Variants in AFM observed in about 807,000 individuals in gnomAD.
The protein encoded by AFM is alpha-Alb.
A neutral mutation model predicts 68.7 loss-of-function variants in AFM; 82 were observed. That is an observed-to-expected ratio of 1.19 (90% confidence interval 1.00 to 1.43). The LOEUF (loss-of-function observed/expected upper bound fraction) is 1.43. Ranked by LOEUF, AFM falls within the 40% of genes most tolerant of loss-of-function variation. The pLI is 0.00. For missense variants in AFM, 772 were observed against 701.8 expected (o/e 1.10, Z -1.13); for synonymous variants, 250 against 234.2 (o/e 1.07, Z -0.61).
rs914199372 is a variant in AFM at position 73,483,948 on chromosome 4, C to A, written c.96C>A (p.Phe32Leu). ...LPTQPRDIEN[F>L]NSTQKFIEDN... ...AATATTCTTGCTTTTCAGAGAACTTCAATAGTACTCAAAAATTTATAGAAG... is the reference window on the plus strand; with the variant it reads ...AATATTCTTGCTTTTCAGAGAACTTAAATAGTACTCAAAAATTTATAGAAG... Residue 32 changes from phenylalanine (F) to leucine (L), a missense_variant, in exon 2 of 15, where the codon TTC becomes TTA. Transcript: ENST00000226355. The A allele has an allele frequency of 6.5e-7, 1 of 1,528,032 alleles. No individual in the cohort carries two copies. The highest frequency in any genetic ancestry group is 8.9e-7 in the Non-Finnish European group (1 of 1,118,290). 94.7% of individuals were successfully genotyped at this position (1,528,032 alleles called of 1,614,324 possible). A position where few individuals can be genotyped will look rare whatever the true frequency, so the allele number is the denominator to read the frequency against.
intron 12 of AFM, 93 bp downstream of exon 12, chr4:73,500,320 A>G (rs1005950305): frequency 1.4e-5 from 15 of 1,093,350 alleles, no homozygotes; most frequent in Non-Finnish European, 1.8e-5. Flanking sequence ...TGTCTTTTTG[A>G]TATCACAATC....
chr4:73,503,231 C>A, intron 14 of AFM, 121 bp downstream of exon 14: 1 of 756,236 alleles, frequency 1.3e-6, no homozygotes, highest in Non-Finnish European at 2.2e-6. Context: ...AAGAAATGCA[C>A]ATGTAGCTAA....
At position 73,485,999 on chromosome 4, in the gene AFM, G is replaced by C; in HGVS notation, c.408G>C (p.Leu136=). 6.2e-7 allele frequency: 1 copy of C among 1,613,964 alleles called. No individual in the cohort carries two copies. Among genetic ancestry groups the C allele is most frequent in the Non-Finnish European group, 8.5e-7 (1 of 1,179,916 alleles). ...FYNKKSDVGF[L]PPFPTLDPEE... ...ACAAGAAATCTGATGTGGGATTTCT[G>C]CCTCCTTTCCCTACCCTGGATCCCG... The change falls in exon 4 of 15, where the codon CTG becomes CTC. Residue 136 remains leucine, a synonymous_variant. Coordinates refer to ENST00000226355, the MANE Select transcript of AFM (RefSeq NM_001133.2).
chr4:73,502,039 A>G (rs990141485), intron 13 of AFM, 120 bp downstream of exon 13: 3 of 1,055,326 alleles, frequency 2.8e-6, no homozygotes, highest in African/African-American at 3.2e-5. Flanking sequence ...ATTTGAGAGC[A>G]CAATTGCTAC....
intron 12 of AFM, among the ~76,000 whole-genome samples, chr4:73,500,899 T>C (rs1280037487): frequency 6.6e-6 from 1 of 152,222 alleles, no homozygotes; most frequent in Non-Finnish European, 1.5e-5. Flanking sequence ...CATCCTATTC[T>C]AGTCTGGTCT....
chr4:73,497,464 A>G (rs1224913097), intron 9 of AFM, among the ~76,000 whole-genome samples, 188 bp from the exon 10 acceptor site: 1 of 152,220 alleles, frequency 6.6e-6, no homozygotes, highest in Non-Finnish European at 1.5e-5. Flanking sequence ...AGCAAGAAAT[A>G]TATTTTTATA....
intron 3 of AFM, 77 bp downstream of exon 3, chr4:73,484,467 TTTCTTTCTTTCTTTCTTTC>T: frequency 1.9e-6 from 1 of 537,332 alleles, no homozygotes; most frequent in Non-Finnish European, 3.1e-6. Context: ...TCTTTCTTTC[TTTCTTTCTTTCTTTCTTTC>T]TTTCTTTCTT....
intron 1 of AFM, among the ~76,000 whole-genome samples, chr4:73,482,604 G>A (rs144108782): frequency 2.9e-4 from 44 of 152,102 alleles, no homozygotes; most frequent in African/African-American, 4.8e-4. Context: ...CTTTTCCCTC[G>A]TAACAACCTG....
intron 7 of AFM, among the ~76,000 whole-genome samples, chr4:73,489,960 T>C (rs775735082): frequency 1.5e-4 from 23 of 152,122 alleles, no homozygotes; most frequent in Non-Finnish European, 2.8e-4. Flanking sequence ...ATTCTGCACA[T>C]CTGCCCATGT....
Position 73,492,105 on chromosome 4 carries a change from G to A in AFM, c.1058+19G>A, listed in dbSNP as rs770823046. ...TTGCGAAGTAATATAACTCTTTATT[G>A]AATTTATAAGGGAAACAGAAAGAAA... On this transcript the variant is annotated intron_variant, in intron 8 of 14. Transcript: ENST00000226355. The A allele has an allele frequency of 6.3e-7, 1 of 1,577,780 alleles. No homozygotes were observed. Among genetic ancestry groups the A allele is most frequent in the South Asian group, 1.2e-5 (1 of 84,844 alleles).
intron 7 of AFM, among the ~76,000 whole-genome samples, chr4:73,490,612 G>A (rs1465222065): frequency 2.0e-5 from 3 of 151,942 alleles, no homozygotes; most frequent in African/African-American, 2.4e-5. Flanking sequence ...TAGTAGAGAC[G>A]GGGTTTCACT....
In AFM at chr4:73,488,697, G is replaced by T; in HGVS notation, c.781G>T (p.Asp261Tyr). 6.2e-7 allele frequency: 1 copy of T among 1,613,248 alleles called. No individual in the cohort carries two copies. The highest frequency in any genetic ancestry group is 8.5e-7 in the Non-Finnish European group (1 of 1,179,430). Residue 261 changes from aspartate (D) to tyrosine (Y), a missense_variant, in exon 7 of 15, where the codon GAT (aspartate) becomes TAT (tyrosine). By Grantham distance (160) the Asp-to-Tyr change is radical (BLOSUM62 -3). Coordinates refer to ENST00000226355, the MANE Select transcript of AFM (RefSeq NM_001133.2). Reference sequence around the variant, plus strand: ...TAAGGAGCTTATTTCTCTTGTAGAAGATGTTTCTTCCAACTATGATGGATG... The same window carrying T: ...TAAGGAGCTTATTTCTCTTGTAGAATATGTTTCTTCCAACTATGATGGATG... ...EFKELISLVE[D>Y]VSSNYDGCCE...
At chr4:73,485,351 C>T (rs970564507) in intron 3 of AFM, among the ~76,000 whole-genome samples, 1 of 152,122 alleles carries the variant, frequency 6.6e-6, no homozygotes, top group East Asian at 1.9e-4. Context: ...TGTCTTGTGA[C>T]AAGACAGAGG....
chr4:73,497,770 G>C, intron 10 of AFM, 21 bp downstream of exon 10: 2 of 1,424,946 alleles, frequency 1.4e-6, no homozygotes, highest in Non-Finnish European at 2.0e-6. Flanking sequence ...TGCACAAGTG[G>C]GCTAACACTT....
intron 3 of AFM, among the ~76,000 whole-genome samples, chr4:73,485,580 A>G (rs1720869947): frequency 7.4e-6 from 1 of 134,718 alleles, no homozygotes; most frequent in Non-Finnish European, 1.7e-5. Flanking sequence ...GGAGAAAGAG[A>G]AGGAGAAGGA....
chr4:73,500,357 C>G, intron 12 of AFM, 130 bp downstream of exon 12: 1 of 810,264 alleles, frequency 1.2e-6, no homozygotes, highest in Non-Finnish European at 1.9e-6. Flanking sequence ...ATTGTCCAGT[C>G]TCTTCTATAT....
chr4:73,503,510 A>T (rs924463903), intron 14 of AFM, among the ~76,000 whole-genome samples: 5 of 152,212 alleles, frequency 3.3e-5, no homozygotes, highest in Middle Eastern at 3.4e-3. Flanking sequence ...CCTTTCCAAT[A>T]ATCTTTTAAG....
At chr4:73,493,893 T>C (rs903749669) in intron 8 of AFM, among the ~76,000 whole-genome samples, 2 of 152,162 alleles carry the variant, frequency 1.3e-5, no homozygotes, top group African/African-American at 4.8e-5. Context: ...GTTTGAAACA[T>C]GGGGAGAAAT....
At chr4:73,499,891 T>G in intron 11 of AFM, 113 bp from the exon 12 acceptor site, 1 of 855,276 alleles carries the variant, frequency 1.2e-6, no homozygotes, top group Non-Finnish European at 1.9e-6. Context: ...ATGTGTTTTA[T>G]GAGTGAGGTT....
Sources: allele counts gnomAD v4.1 joint callset (sites outside exome capture counted in the v4.1 genomes callset), GRCh38; gene constraint gnomAD v4.1.1; transcripts MANE v1.5; gene names NCBI Gene and HGNC (gene_info 2026-07-23, HGNC 2026-07-21).